The following SPRED3 variants were observed in gnomAD, a reference collection of about 807,000 sequenced individuals.
SPRED3 encodes the protein sprouty related EVH1 domain containing 3, also known as sprouty-related, EVH1 domain-containing protein 3.
SPRED3 carries 23 observed loss-of-function variants against 37.6 expected under a neutral mutation model. The ratio of observed to expected loss-of-function variants is 0.61; its 90% CI spans 0.44 to 0.87. The LOEUF (loss-of-function observed/expected upper bound fraction) is 0.87. Ranked by LOEUF, SPRED3 falls within the 40% of genes least tolerant of loss-of-function variation. The pLI is 0.00. For synonymous variants in SPRED3, 302 were observed against 279.6 expected, an observed-to-expected ratio of 1.08 and a Z score of -0.80; for missense variants, 584 against 618.6, an observed-to-expected ratio of 0.94 and a Z score of 0.59.
At position 38,390,525 on chromosome 19, in the gene SPRED3, G is replaced by C. The variant is rs1970816746; in HGVS notation, c.177+46G>C. On this transcript the variant is annotated intron_variant, in intron 2 of 5. Coordinates refer to ENST00000691638, the MANE Select transcript of SPRED3 (RefSeq NM_001394336.1). ...CGGGGAGGGTAGGGACCTGGGGAGG[G>C]AGGGGAGAGGGGCTGGCATGTGGAG... 3.2e-6 allele frequency: 4 copies of C among 1,239,074 alleles called. No homozygotes were observed. In the African/African-American group the frequency reaches 4.7e-5, roughly 15 times the overall value. The allele number at this position is 1,239,074 out of a possible 1,614,324, so 76.8% of individuals were successfully genotyped here.
chr19:38,392,158 GGGA>G (rs1970840583), intron 3 of SPRED3, 44 bp downstream of exon 3: 1 of 1,608,314 alleles, frequency 6.2e-7, no homozygotes, highest in Middle Eastern at 1.7e-4. Context: ...GCCTGGGAGC[GGGA>G]GGAGAAGCTG....
Position 38,394,648 on chromosome 19 carries a change from C to G in SPRED3, c.429C>G (p.His143Gln), listed in dbSNP as rs1282563430. 8.8e-6 allele frequency: 14 copies of G among 1,595,736 alleles called. No homozygotes were observed. Among genetic ancestry groups the G allele is most frequent in the Admixed American group, 1.7e-5 (1 of 58,556 alleles). Residue 143 changes from histidine to glutamine, a missense_variant, in exon 5 of 6, where the codon CAC (histidine) becomes CAG (glutamine). By Grantham distance (24) the His-to-Gln change is conservative. Coordinates refer to ENST00000691638, the MANE Select transcript of SPRED3 (RefSeq NM_001394336.1). ...AGGCCGCCAATCTCCTCCAGTCCCA[C>G]GTGGACAGCGACTCCTCCTCCAGTC... ...TAETPCPLTSHVDSDSSSSHS... is the reference protein window; with the variant it reads ...TAETPCPLTSQVDSDSSSSHS...
chr19:38,389,386 T>C (rs970635744), intron 1 of SPRED3, among the ~76,000 whole-genome samples: 144 of 150,640 alleles, frequency 9.6e-4, no homozygotes, highest in African/African-American at 3.4e-3. Flanking sequence ...AGGGTCCCTG[T>C]GCTGGATGGC....
rs1173443500 is a variant in SPRED3, at chr19:38,388,761, G to A, written c.-51G>A. The A allele has an allele frequency of 2.3e-5, 9 of 398,134 alleles. No individual in the cohort carries two copies. Among genetic ancestry groups the A allele is most frequent in the Admixed American group, 1.8e-4 (4 of 22,700 alleles). 24.7% of individuals were successfully genotyped at this position (398,134 alleles called of 1,614,324 possible). On this transcript the variant is annotated 5_prime_UTR_variant, in exon 1 of 6. Transcript: ENST00000691638. ...AGGGAGCCGGAACGAAAAGGAGGAG[G>A]AGGAGGCCGCGTCGCCGCCGCTCGG... is the stretch of plus-strand genomic sequence containing the variant.
At chr19:38,390,957 T>C (rs1172760574) in intron 2 of SPRED3, among the ~76,000 whole-genome samples, 1 of 152,050 alleles carries the variant, frequency 6.6e-6, no homozygotes, top group Admixed American at 6.6e-5. Context: ...TCATCAGGAA[T>C]AACTGGGCTG....
Position 38,395,771 on chromosome 19 carries a change from G to C in SPRED3, c.859G>C (p.Ala287Pro). 6.9e-7 allele frequency: 1 copy of C among 1,459,490 alleles called. No individual in the cohort carries two copies. The highest frequency in any genetic ancestry group is 9.0e-7 in the Non-Finnish European group (1 of 1,114,476). The allele number at this position is 1,459,490 out of a possible 1,614,324, so 90.4% of individuals were successfully genotyped here. A position where few individuals can be genotyped will look rare whatever the true frequency, so the allele number is the denominator to read the frequency against. Reference protein sequence around the residue: ...GPGPSSAPAKASPEAEEAARC... With the variant: ...GPGPSSAPAKPSPEAEEAARC... ...GGGCCCATCCTCTGCGCCTGCCAAG[G>C]CCTCCCCGGAAGCGGAGGAGGCAGC... The change falls in exon 6 of 6, where the codon GCC becomes CCC. Residue 287 changes from alanine (A) to proline (P), a missense_variant. Transcript: ENST00000691638. This position sits in a 1 kb window ranked among gnomAD's most constrained non-coding sequence, Gnocchi z 5.2.
At position 38,397,903 on chromosome 19, in the gene SPRED3, T is replaced by TAAAAAAAAAAAAAAAAAA. The variant is rs774014740; in HGVS notation, c.*1773_*1774insAAAAAAAAAAAAAAAAAA. On this transcript the variant is annotated 3_prime_UTR_variant, in exon 6 of 6. Transcript: ENST00000691638. ...CTGGGCAATGTAGTGAGACCGTCTC[T>TAAAAAAAAAAAAAAAAAA]AAAAAAAAAAAAAAAGGACCAAGTA... 37 of 131,980 alleles carry TAAAAAAAAAAAAAAAAAA rather than the reference T, an allele frequency of 2.8e-4. No individual in the cohort carries two copies. Among genetic ancestry groups the TAAAAAAAAAAAAAAAAAA allele is most frequent in the African/African-American group, 1.1e-3 (37 of 34,280 alleles). The allele number at this position is 131,980 out of a possible 1,614,324, so 8.2% of individuals were successfully genotyped here.
intron 4 of SPRED3, chr19:38,392,585 G>A (rs1366204384): frequency 3.0e-6 from 1 of 330,958 alleles, no homozygotes; most frequent in East Asian, 4.9e-5. Flanking sequence ...TTCTATTCTA[G>A]TGTGGAAAGG....
rs774014740 is a variant in SPRED3 at position 38,397,903 on chromosome 19, T to TAAAAAAAAAAA, written c.*1763_*1773dup. The TAAAAAAAAAAA allele has an allele frequency of 4.2e-4, 55 of 131,980 alleles. No individual in the cohort carries two copies. The highest frequency in any genetic ancestry group is 1.5e-3 in the African/African-American group (53 of 34,280). The allele number at this position is 131,980 out of a possible 1,614,324, so 8.2% of individuals were successfully genotyped here. ...CTGGGCAATGTAGTGAGACCGTCTC[T>TAAAAAAAAAAA]AAAAAAAAAAAAAAAGGACCAAGTA... On this transcript the variant is annotated 3_prime_UTR_variant, in exon 6 of 6. Transcript: ENST00000691638.
Position 38,395,013 on chromosome 19 carries a change from G to C in SPRED3, c.567+227G>C, listed in dbSNP as rs1030454890. Among the ~76,000 whole-genome samples the C allele has an allele frequency of 6.6e-6, 1 of 152,178 alleles. No homozygotes were observed. Among genetic ancestry groups the C allele is most frequent in the Non-Finnish European group, 1.5e-5 (1 of 68,030 alleles). On this transcript the variant is annotated intron_variant, in intron 5 of 5. Transcript: ENST00000691638. This position sits in a 1 kb window ranked among gnomAD's most constrained non-coding sequence, Gnocchi z 5.2. ...GCCTCCCGAGTCTCCTTGCGCTCTT[G>C]GAGATTTTGAGGGGTTTCGAAGTCC...
chr19:38,396,027 C>T lies in SPRED3; in HGVS notation c.1115C>T (p.Ala372Val). Residue 372 changes from alanine (A) to valine (V), a missense_variant, in exon 6 of 6, where the codon GCG becomes GTG. Around this residue, in one of 7 missense-constraint regions of SPRED3, gnomAD observed 85 missense variants for 117.8 expected, o/e 0.72. Transcript: ENST00000691638. ...RPAARWAALA[A>V]LSLAVPCLCC... ...GCCGCGCGCTGGGCCGCGCTGGCCG[C>T]GCTCTCCCTGGCAGTGCCCTGCCTC... 2 of 1,370,410 alleles carry T rather than the reference C, an allele frequency of 1.5e-6. No individual in the cohort carries two copies. Among genetic ancestry groups the T allele is most frequent in the Non-Finnish European group, 1.9e-6 (2 of 1,071,812 alleles). The allele number at this position is 1,370,410 out of a possible 1,614,324, so 84.9% of individuals were successfully genotyped here.
At chr19:38,392,317 G>T in intron 4 of SPRED3, 29 bp downstream of exon 4, 1 of 1,478,004 alleles carries the variant, frequency 6.8e-7, no homozygotes, top group Non-Finnish European at 9.0e-7. Context: ...TCTCTGCTGG[G>T]GGAGGGTAGG....
Position 38,390,403 on chromosome 19 carries a change from TCCGAGGGGCCAGGC to T in SPRED3, c.110_123del (p.Ala37GlyfsTer45). Reference sequence around the variant, plus strand: ...CTCAGCCAGGTGAGCGTGTGTCGGGTCCGAGGGGCCAGGCCCGAGGGGGGGGCCCGCCAGGGGCA... The same window carrying T: ...CTCAGCCAGGTGAGCGTGTGTCGGGTCCGAGGGGGGGGCCCGCCAGGGGCA... On this transcript the variant is annotated frameshift_variant, in exon 2 of 6. Coordinates refer to ENST00000691638, the MANE Select transcript of SPRED3 (RefSeq NM_001394336.1). LOFTEE classifies it high-confidence loss of function. 1 of 1,385,170 alleles carries T rather than the reference TCCGAGGGGCCAGGC, an allele frequency of 7.2e-7. No homozygotes were observed. Among genetic ancestry groups the T allele is most frequent in the Non-Finnish European group, 9.4e-7 (1 of 1,065,590 alleles). The allele number at this position is 1,385,170 out of a possible 1,614,324, so 85.8% of individuals were successfully genotyped here. A position where few individuals can be genotyped will look rare whatever the true frequency, so the allele number is the denominator to read the frequency against.
chr19:38,393,301 T>G (rs1220802063), intron 4 of SPRED3, among the ~76,000 whole-genome samples: 7 of 152,118 alleles, frequency 4.6e-5, no homozygotes, highest in Non-Finnish European at 1.0e-4. Flanking sequence ...TTTTCCCATG[T>G]TCTAAGGCAT....
In SPRED3 at chr19:38,397,019, A is replaced by C. The variant is rs1970906484; in HGVS notation, c.*874A>C. 2 of 152,210 alleles carry C rather than the reference A, an allele frequency of 1.3e-5. No homozygotes were observed. Among genetic ancestry groups the C allele is most frequent in the Non-Finnish European group, 2.9e-5 (2 of 68,034 alleles). The allele number at this position is 152,210 out of a possible 1,614,324, so 9.4% of individuals were successfully genotyped here. A position where few individuals can be genotyped will look rare whatever the true frequency, so the allele number is the denominator to read the frequency against. ...CAAGATGCTCTGGAAGCCAGGGATC[A>C]AAGACCTCCATAGGTCCACCCACCC... On this transcript the variant is annotated 3_prime_UTR_variant, in exon 6 of 6. Transcript: ENST00000691638.
chr19:38,395,763 C>T lies in SPRED3; in HGVS notation c.851C>T (p.Pro284Leu), dbSNP rs1437081335. Residue 284 changes from proline to leucine, a missense_variant, in exon 6 of 6, where the codon CCT (proline) becomes CTT (leucine). Around this residue, in one of 7 missense-constraint regions of SPRED3, gnomAD observed 310 missense variants for 281.1 expected, o/e 1.10. Transcript: ENST00000691638. This position sits in a 1 kb window ranked among gnomAD's most constrained non-coding sequence, Gnocchi z 5.2. ...PPPGPGPSSA[P>L]AKASPEAEEA... Reference sequence around the variant, plus strand: ...CCCGGCCCGGGCCCATCCTCTGCGCCTGCCAAGGCCTCCCCGGAAGCGGAG... The same window carrying T: ...CCCGGCCCGGGCCCATCCTCTGCGCTTGCCAAGGCCTCCCCGGAAGCGGAG... The T allele has an allele frequency of 2.7e-6, 4 of 1,460,504 alleles. No individual in the cohort carries two copies. The highest frequency in any genetic ancestry group is 5.9e-5 in the East Asian group (2 of 33,810). The allele number at this position is 1,460,504 out of a possible 1,614,324, so 90.5% of individuals were successfully genotyped here.
rs1364160816 is a variant in SPRED3, at chr19:38,397,566, C to T, written c.*1421C>T. 2.0e-5 allele frequency: 3 copies of T among 152,204 alleles called. No individual in the cohort carries two copies. Among genetic ancestry groups the T allele is most frequent in the Non-Finnish European group, 4.4e-5 (3 of 68,106 alleles). 9.4% of individuals were successfully genotyped at this position (152,204 alleles called of 1,614,324 possible). On this transcript the variant is annotated 3_prime_UTR_variant, in exon 6 of 6. Transcript: ENST00000691638. Reference sequence around the variant, plus strand: ...CAAACCTCTCTAGTCTGATGAACCCCAAGTTGCCTCTACACCTGATTCCCC... The same window carrying T: ...CAAACCTCTCTAGTCTGATGAACCCTAAGTTGCCTCTACACCTGATTCCCC...
intron 1 of SPRED3, 44 bp downstream of exon 1, chr19:38,388,851 C>T (rs1330299780): frequency 1.8e-5 from 7 of 396,710 alleles, no homozygotes; most frequent in Middle Eastern, 6.3e-4. Context: ...GACAGACTGC[C>T]TGCCCCGATG....
chr19:38,394,859 T>A, intron 5 of SPRED3, 73 bp downstream of exon 5: 3 of 1,446,720 alleles, frequency 2.1e-6, no homozygotes, highest in Non-Finnish European at 2.7e-6. Flanking sequence ...GCGGGAGCCA[T>A]GGCCCGGGGA....
Sources: allele counts gnomAD v4.1 joint callset (sites outside exome capture counted in the v4.1 genomes callset), GRCh38; gene constraint gnomAD v4.1.1; regional missense constraint gnomAD v4.1.1; non-coding constraint Gnocchi (gnomAD v3.1); transcripts MANE v1.5; gene names NCBI Gene and HGNC (gene_info 2026-07-23, HGNC 2026-07-21).